Variants in KAZN observed in about 807,000 individuals in gnomAD.
The protein encoded by KAZN is kazrin.
In KAZN, 40 loss-of-function variants were observed where a neutral mutation model predicts 87.4. The observed-to-expected ratio is 0.46, with a 90% CI of 0.36 to 0.60. The LOEUF is 0.60. Among genes scored for constraint, KAZN ranks in the 20% least tolerant of loss-of-function variants. The probability of loss-of-function intolerance (pLI) is 0.00; values close to 1 mark genes in which losing one functional copy is unlikely to be tolerated. For synonymous variants in KAZN, 466 were observed against 458.3 expected (o/e 1.02, Z -0.22); for missense variants, 898 against 1,073.9 (o/e 0.84, Z 2.29).
At chr1:14,147,974 C>A (rs570792849) in intron 1 of KAZN, among the ~76,000 whole-genome samples, 1 of 152,050 alleles carries the variant, frequency 6.6e-6, no homozygotes, top group Non-Finnish European at 1.5e-5. Context: ...AATCCCAGCA[C>A]TTTAGGAGGC....
rs1012239584 is a variant in KAZN, at chr1:14,646,156, C to T, written c.226+46933C>T. Among the ~76,000 whole-genome samples the T allele has an allele frequency of 5.9e-5, 9 of 152,208 alleles. No individual in the cohort carries two copies. The South Asian group carries it at 8.3e-4, about 14-fold the overall frequency. The stretch of plus-strand genomic sequence containing the variant: ...AGGGAGTGCTTTGGGTGATAGACCC[C>T]GGCCATATCCTGACTGAGTGCAGGT... On this transcript the variant is annotated intron_variant, in intron 1 of 14. Coordinates refer to ENST00000376030, the MANE Select transcript of KAZN (RefSeq NM_201628.3).
chr1:14,431,375 T>G (rs1357963634), intron 2 of KAZN, among the ~76,000 whole-genome samples: 1 of 152,206 alleles, frequency 6.6e-6, no homozygotes, highest in African/African-American at 2.4e-5. Flanking sequence ...TACTCAAGTT[T>G]TTGGCTGTTC....
Position 14,808,919 on chromosome 1 carries a change from G to A in KAZN, c.227-151765G>A, listed in dbSNP as rs533009554. ...AAGCCTTCCCTCATGGTCACAAAAC[G>A]GCTGCCACAGCTCCAAGCATCACAT... On this transcript the variant is annotated intron_variant, in intron 1 of 14. Transcript: ENST00000376030. Among the ~76,000 whole-genome samples, 6 of 152,138 alleles carry A rather than the reference G, an allele frequency of 3.9e-5. No homozygotes were observed. The South Asian group carries it at 1.2e-3, about 32-fold the overall frequency.
chr1:14,723,470 C>T (rs1216859541), intron 1 of KAZN, among the ~76,000 whole-genome samples: 2 of 152,170 alleles, frequency 1.3e-5, no homozygotes, highest in Non-Finnish European at 2.9e-5. Context: ...CCTGTGGCCT[C>T]ATCGAGACTC....
At chr1:14,400,104 G>A (rs1315040208) in intron 2 of KAZN, among the ~76,000 whole-genome samples, 1 of 152,098 alleles carries the variant, frequency 6.6e-6, no homozygotes, top group Non-Finnish European at 1.5e-5. Flanking sequence ...GGTGACCACT[G>A]GACATACTGA....
intron 1 of KAZN, among the ~76,000 whole-genome samples, chr1:14,812,903 A>C (rs1295508125): frequency 6.6e-6 from 1 of 152,180 alleles, no homozygotes; most frequent in East Asian, 1.9e-4. Context: ...TCCTTGAAGA[A>C]ACTCATAGCC....
At chr1:14,129,933 C>A (rs1384422002) in intron 1 of KAZN, among the ~76,000 whole-genome samples, 1 of 152,186 alleles carries the variant, frequency 6.6e-6, no homozygotes, top group East Asian at 1.9e-4. Flanking sequence ...AGAAAAGCAG[C>A]CCTTGTCACA....
At chr1:14,000,120 A>G (rs964292431) in intron 1 of KAZN, among the ~76,000 whole-genome samples, 4 of 152,244 alleles carry the variant, frequency 2.6e-5, no homozygotes, top group African/African-American at 9.6e-5. Flanking sequence ...TACCAGAGGT[A>G]CAAAGAGGAG....
chr1:13,923,581 A>AAG (rs200530522), intron 1 of KAZN, among the ~76,000 whole-genome samples: 9,005 of 145,164 alleles, frequency 0.062, 410 homozygotes, highest in South Asian at 0.1. Flanking sequence ...TCAAAAAAAA[A>AAG]AAAAAAAAAA....
intron 1 of KAZN, among the ~76,000 whole-genome samples, chr1:14,179,833 G>A (rs1228308629): frequency 6.6e-6 from 1 of 152,148 alleles, no homozygotes; most frequent in African/African-American, 2.4e-5. Flanking sequence ...TAGAGAAAGA[G>A]GCAGCAACCA....
intron 1 of KAZN, among the ~76,000 whole-genome samples, chr1:14,641,908 A>T (rs75764943): frequency 1.3e-5 from 2 of 152,372 alleles, no homozygotes; most frequent in South Asian, 2.1e-4. Context: ...AAATATTTGC[A>T]AGTCACGTAC....
intron 1 of KAZN, among the ~76,000 whole-genome samples, chr1:14,167,254 C>A (rs566191905): frequency 3.3e-5 from 5 of 152,304 alleles, no homozygotes; most frequent in African/African-American, 4.8e-5. Flanking sequence ...AAATTTGATG[C>A]CATTTTGCAT....
intron 2 of KAZN, among the ~76,000 whole-genome samples, chr1:14,468,617 G>A (rs1668287208): frequency 6.6e-6 from 1 of 152,196 alleles, no homozygotes; most frequent in Non-Finnish European, 1.5e-5. Flanking sequence ...GAAGAACCGG[G>A]AAGAACACAT....
At chr1:13,953,110 G>T (rs542301836) in intron 1 of KAZN, among the ~76,000 whole-genome samples, 2 of 152,156 alleles carry the variant, frequency 1.3e-5, no homozygotes, top group Admixed American at 1.3e-4. Flanking sequence ...AACGGCCCCC[G>T]AATTCAATAG....
At chr1:13,921,301 A>G (rs1640058967) in intron 1 of KAZN, among the ~76,000 whole-genome samples, 1 of 152,246 alleles carries the variant, frequency 6.6e-6, no homozygotes, top group Non-Finnish European at 1.5e-5. Flanking sequence ...TTTTCTCTAA[A>G]GATCCTGATA....
At chr1:14,030,859 A>C (rs1257215558) in intron 1 of KAZN, among the ~76,000 whole-genome samples, 2 of 152,224 alleles carry the variant, frequency 1.3e-5, no homozygotes, top group Non-Finnish European at 2.9e-5. Flanking sequence ...TGCCTGTTTT[A>C]TGTGCACAGG....
chr1:13,917,879 G>C, intron 1 of KAZN, among the ~76,000 whole-genome samples: 1 of 151,356 alleles, frequency 6.6e-6, no homozygotes, highest in African/African-American at 2.4e-5. Flanking sequence ...AGCAAAGCCT[G>C]ATGACAGCAC....
At chr1:14,199,442 A>T (rs182616214) in intron 2 of KAZN, among the ~76,000 whole-genome samples, 1 of 152,254 alleles carries the variant, frequency 6.6e-6, no homozygotes. Context: ...TCCTGACTAC[A>T]CTATTGCATA....
At chr1:15,054,894 T>A (rs926924459) in intron 4 of KAZN, among the ~76,000 whole-genome samples, 2 of 152,222 alleles carry the variant, frequency 1.3e-5, no homozygotes, top group African/African-American at 4.8e-5. Context: ...CTCCCTCCTG[T>A]CCTACATGTT....
Sources: gnomAD v4.1 joint callset for allele counts (sites outside exome capture counted in the v4.1 genomes callset) on GRCh38, gnomAD v4.1.1 for gene constraint, MANE v1.5 for transcripts, NCBI Gene and HGNC (gene_info 2026-07-23, HGNC 2026-07-21) for gene names.